The following SDK1 variants were observed in gnomAD, a reference collection of about 807,000 sequenced individuals.
SDK1 encodes sidekick cell adhesion molecule 1, also known as protein sidekick-1.
Under a neutral mutation model 245.5 loss-of-function variants are expected in SDK1, and 157 were observed. The observed-to-expected ratio is 0.64, with a 90% CI of 0.56 to 0.73. SDK1 has a LOEUF of 0.73. SDK1 is among the 30% of genes least tolerant of loss of function. The pLI, the probability that SDK1 is intolerant of heterozygous loss-of-function variation, is 0.00. For synonymous variants in SDK1, 1,647 were observed against 1,278.5 expected, an observed-to-expected ratio of 1.29 and a Z score of -6.15; for missense variants, 3,583 against 3,002.3, an observed-to-expected ratio of 1.19 and a Z score of -4.52.
intron 1 of SDK1, among the ~76,000 whole-genome samples, chr7:3,514,875 T>A (rs1468386495): frequency 6.6e-6 from 1 of 152,100 alleles, no homozygotes; most frequent in African/African-American, 2.4e-5. Flanking sequence ...CATGCGTGCA[T>A]GCGTGCGCTC....
At chr7:3,530,041 G>A (rs373805210) in intron 1 of SDK1, among the ~76,000 whole-genome samples, 5 of 152,152 alleles carry the variant, frequency 3.3e-5, no homozygotes, top group African/African-American at 1.2e-4. Flanking sequence ...TTCTAAGAAT[G>A]TAGTAACTAG....
chr7:4,041,287 A>AC (rs1788616677), intron 17 of SDK1, among the ~76,000 whole-genome samples: 1 of 110,912 alleles, frequency 9.0e-6, no homozygotes, highest in Non-Finnish European at 1.7e-5. Context: ...GTTTTGTTTT[A>AC]CTTTTTTTTT....
At chr7:3,564,097 G>C (rs77113669) in intron 1 of SDK1, among the ~76,000 whole-genome samples, 3,092 of 152,010 alleles carry the variant, frequency 0.02, 117 homozygotes, top group African/African-American at 0.07. Context: ...TAAACATATA[G>C]TTTATTAAAT....
At chr7:3,495,237 G>C (rs997740388) in intron 1 of SDK1, among the ~76,000 whole-genome samples, 3 of 148,598 alleles carry the variant, frequency 2.0e-5, no homozygotes, top group Admixed American at 6.8e-5. Context: ...TTCTGAGCTG[G>C]AAAGCATAAT....
At chr7:3,651,466 C>G (rs942977811) in intron 4 of SDK1, among the ~76,000 whole-genome samples, 2 of 152,102 alleles carry the variant, frequency 1.3e-5, no homozygotes, top group African/African-American at 4.8e-5. Flanking sequence ...CAATATGCAG[C>G]TAAAGTGAGA....
In SDK1 at chr7:3,861,751, A is replaced by G. The variant is rs550325643; in HGVS notation, c.847+40168A>G. Among the ~76,000 whole-genome samples the G allele has an allele frequency of 4.6e-5, 7 of 152,310 alleles. No homozygotes were observed. The East Asian group carries it at 1.3e-3, about 29-fold the overall frequency. On this transcript the variant is annotated intron_variant, in intron 5 of 44. Transcript: ENST00000404826. ...TAAGGCTTTAATCAGCAAAGTAGCA[A>G]ACTTCACATGGCTTGTGGACTAATT...
intron 1 of SDK1, among the ~76,000 whole-genome samples, chr7:3,434,816 A>G (rs997862821): frequency 1.2e-4 from 18 of 152,160 alleles, no homozygotes; most frequent in African/African-American, 4.3e-4. Flanking sequence ...GGGGGGGGAC[A>G]GAGCACACCC....
At chr7:3,303,877 G>A (rs2128540919) in intron 1 of SDK1, among the ~76,000 whole-genome samples, 1 of 152,224 alleles carries the variant, frequency 6.6e-6, no homozygotes, top group Non-Finnish European at 1.5e-5. Context: ...ATGATGAGTT[G>A]GTCATATGTG....
Position 4,139,663 on chromosome 7 carries a change from A to G in SDK1, c.4229-6059A>G, listed in dbSNP as rs867943794. On this transcript the variant is annotated intron_variant, in intron 28 of 44. Coordinates refer to ENST00000404826, the MANE Select transcript of SDK1 (RefSeq NM_152744.4). ...TGTGTGTGTATATGTGTGTGTGTAT[A>G]TGTGTGTGTGTATATGTGTGTGTGT... Among the ~76,000 whole-genome samples, 43 of 74,900 alleles carry G rather than the reference A, an allele frequency of 5.7e-4. 1 individual carries two copies. The highest frequency in any genetic ancestry group is 1.7e-3 in the African/African-American group (33 of 19,220). The allele number at this position is 74,900 out of a possible 152,430, so 49.1% of individuals were successfully genotyped here.
chr7:3,689,587 A>G (rs1380285139), intron 4 of SDK1, among the ~76,000 whole-genome samples: 1 of 152,196 alleles, frequency 6.6e-6, no homozygotes, highest in Non-Finnish European at 1.5e-5. Context: ...GCTGCCTGTA[A>G]CTAAATGCCA....
chr7:4,113,910 T>A (rs1783518673), intron 24 of SDK1, 127 bp from the exon 25 acceptor site: 1 of 686,016 alleles, frequency 1.5e-6, no homozygotes, highest in African/African-American at 1.8e-5. Context: ...TAGATCCTTC[T>A]AAGACTATTT....
chr7:3,595,425 C>G (rs1453976620), intron 1 of SDK1, among the ~76,000 whole-genome samples: 7 of 151,942 alleles, frequency 4.6e-5, no homozygotes, highest in Non-Finnish European at 7.4e-5. Flanking sequence ...GTTATCTGGA[C>G]TTTGCTTGGT....
chr7:3,305,353 C>T (rs959927899), intron 1 of SDK1, among the ~76,000 whole-genome samples: 14 of 152,128 alleles, frequency 9.2e-5, no homozygotes, highest in Admixed American at 1.3e-4. Flanking sequence ...TTTTAATCCT[C>T]GTGTTGGTTA....
chr7:3,609,306 G>A (rs576378012), intron 1 of SDK1, among the ~76,000 whole-genome samples: 88 of 152,264 alleles, frequency 5.8e-4, no homozygotes, highest in African/African-American at 1.9e-3. Context: ...GAAGAAGTTG[G>A]TGCTATTGCT....
At chr7:4,261,088 T>C (rs2128243742) in intron 44 of SDK1, among the ~76,000 whole-genome samples, 1 of 152,330 alleles carries the variant, frequency 6.6e-6, no homozygotes, top group East Asian at 1.9e-4. Flanking sequence ...TTTCAGCCTG[T>C]GTCCCCAAAT....
chr7:3,333,611 G>A (rs1780124451), intron 1 of SDK1, among the ~76,000 whole-genome samples: 1 of 151,948 alleles, frequency 6.6e-6, no homozygotes, highest in Non-Finnish European at 1.5e-5. Context: ...TTTGTAATCT[G>A]CCCTACCATG....
intron 25 of SDK1, 86 bp from the exon 26 acceptor site, chr7:4,127,295 A>G: frequency 2.0e-6 from 2 of 1,000,594 alleles, no homozygotes; most frequent in Non-Finnish European, 3.2e-6. Flanking sequence ...TTTCAAGGAC[A>G]ACTTGATTAT....
intron 4 of SDK1, among the ~76,000 whole-genome samples, chr7:3,800,321 T>G (rs943024256): frequency 1.3e-5 from 2 of 152,188 alleles, no homozygotes; most frequent in South Asian, 4.1e-4. Flanking sequence ...CCCTGACTGA[T>G]GTGTGCTCAG....
In SDK1 at chr7:4,113,336, C is replaced by G. The variant is rs141090430; in HGVS notation, c.3482C>G (p.Pro1161Arg). Residue 1161 changes from proline (P) to arginine (R), a missense_variant, in exon 24 of 45, where the codon CCG (proline) becomes CGG (arginine). By Grantham distance (103) the Pro-to-Arg change is moderately radical (BLOSUM62 -2). Coordinates refer to ENST00000404826, the MANE Select transcript of SDK1 (RefSeq NM_152744.4). ...ATTGTTGGGCCGAGCCCCTACAGTC[C>G]GTCTTCCCGGGTCATCCAGACCCTG... ...VNIVGPSPYS[P>R]SSRVIQTLQA... The G allele has an allele frequency of 1.9e-6, 3 of 1,614,006 alleles. No homozygotes were observed. The highest frequency in any genetic ancestry group is 1.7e-5 in the Admixed American group (1 of 60,016).
Sources: allele counts gnomAD v4.1 joint callset (sites outside exome capture counted in the v4.1 genomes callset), GRCh38; gene constraint gnomAD v4.1.1; transcripts MANE v1.5; gene names NCBI Gene and HGNC (gene_info 2026-07-23, HGNC 2026-07-21).